VTCN1: variants seen among roughly 807,000 people sequenced by gnomAD.
VTCN1 encodes the protein V-set domain containing T cell activation inhibitor 1, also known as V-set domain-containing T-cell activation inhibitor 1.
VTCN1 carries 26 observed loss-of-function variants against 26.5 expected under a neutral mutation model. That is an observed-to-expected ratio of 0.98 (90% CI 0.72 to 1.36). The LOEUF (loss-of-function observed/expected upper bound fraction) is 1.36, where lower values mean the gene tolerates loss of function less well. Ranked by LOEUF, VTCN1 falls within the 40% of genes most tolerant of loss-of-function variation. The probability of loss-of-function intolerance (pLI) is 0.00; values close to 1 mark genes in which losing one functional copy is unlikely to be tolerated. For missense variants in VTCN1, 298 were observed against 337.7 expected, an observed-to-expected ratio of 0.88 and a Z score of 0.92; for synonymous variants, 116 against 130.7, an observed-to-expected ratio of 0.89 and a Z score of 0.77.
At chr1:117,178,268 T>C (rs1483234790) in intron 1 of VTCN1, among the ~76,000 whole-genome samples, 1 of 149,006 alleles carries the variant, frequency 6.7e-6, no homozygotes, top group Admixed American at 6.7e-5. Flanking sequence ...TCTTTTTTTT[T>C]TTTTTTGAGA....
intron 1 of VTCN1, among the ~76,000 whole-genome samples, chr1:117,204,670 T>G (rs1412637887): frequency 6.6e-6 from 1 of 151,944 alleles, no homozygotes; most frequent in Non-Finnish European, 1.5e-5. Flanking sequence ...ATGGAGACCA[T>G]CCTGGCTAAC....
chr1:117,157,869 G>T (rs981066764), intron 2 of VTCN1, among the ~76,000 whole-genome samples: 2 of 152,180 alleles, frequency 1.3e-5, no homozygotes, highest in African/African-American at 2.4e-5. Flanking sequence ...GGGGGTACAG[G>T]TATTGGGTAA....
At chr1:117,182,733 C>T (rs960076311) in intron 1 of VTCN1, among the ~76,000 whole-genome samples, 4 of 152,160 alleles carry the variant, frequency 2.6e-5, no homozygotes, top group Non-Finnish European at 5.9e-5. Context: ...GGGCCTGCCT[C>T]GTGATTTCAG....
rs1431474835 is a variant in VTCN1, at chr1:117,159,024, A to C, written c.98-2103T>G. On this transcript the variant is annotated intron_variant, in intron 2 of 5. Transcript: ENST00000369458. The surrounding 1 kb of genome is among the most constrained non-coding windows in gnomAD (Gnocchi z 4.7). ...GGACCTTATTGTCCATATCACTATA[A>C]GGCTTTTGGTCAAAGCCATTCAACA... Among the ~76,000 whole-genome samples the C allele has an allele frequency of 1.3e-5, 2 of 152,164 alleles. No individual in the cohort carries two copies. The highest frequency in any genetic ancestry group is 2.1e-4 in the South Asian group (1 of 4,828).
chr1:117,173,500 T>C (rs961323440), intron 1 of VTCN1, among the ~76,000 whole-genome samples: 11 of 152,332 alleles, frequency 7.2e-5, no homozygotes, highest in African/African-American at 2.4e-4. Flanking sequence ...TTCACTGCTC[T>C]CACAGGTAAC....
At chr1:117,174,113 T>TCTTA (rs1370114629) in intron 1 of VTCN1, among the ~76,000 whole-genome samples, 3 of 152,242 alleles carry the variant, frequency 2.0e-5, no homozygotes, top group Non-Finnish European at 4.4e-5. Context: ...CTTCAGGGGT[T>TCTTA]CTTACATTGC....
intron 1 of VTCN1, among the ~76,000 whole-genome samples, chr1:117,207,234 G>T (rs1029342229): frequency 3.3e-5 from 5 of 152,170 alleles, no homozygotes; most frequent in Non-Finnish European, 7.3e-5. Flanking sequence ...ATGGTAGAAA[G>T]ATCCCTGCTC....
rs755885820 is a variant in VTCN1, at chr1:117,210,773, C to T, written c.32+51G>A. ...GCAGTGCTCAGCATCCCCAAAAGAC[C>T]TCACTGCTGTTCCCTTCACCCATAA... On this transcript the variant is annotated intron_variant, in intron 1 of 5. Transcript: ENST00000369458. The T allele has an allele frequency of 3.1e-6, 5 of 1,598,140 alleles. No homozygotes were observed. In the East Asian group the frequency reaches 1.1e-4, roughly 36 times the overall value.
At chr1:117,151,308 G>A (rs759117860) in intron 4 of VTCN1, among the ~76,000 whole-genome samples, 1 of 151,770 alleles carries the variant, frequency 6.6e-6, no homozygotes, top group Admixed American at 6.6e-5. Flanking sequence ...GTTCCTCCCA[G>A]TGGGTTTGTG....
At chr1:117,202,473 A>T (rs1020574621) in intron 1 of VTCN1, among the ~76,000 whole-genome samples, 13 of 152,204 alleles carry the variant, frequency 8.5e-5, no homozygotes, top group Non-Finnish European at 1.6e-4. Flanking sequence ...TGAAGACAAG[A>T]TAAGAACAGA....
chr1:117,148,961 C>CA (rs1210197758), intron 4 of VTCN1, among the ~76,000 whole-genome samples: 15 of 151,990 alleles, frequency 9.9e-5, no homozygotes, highest in Non-Finnish European at 1.5e-5. Flanking sequence ...TGAGAGTTAG[C>CA]AAAAACAAAA....
intron 1 of VTCN1, among the ~76,000 whole-genome samples, chr1:117,208,169 C>T (rs1185705699): frequency 1.3e-5 from 2 of 152,208 alleles, no homozygotes; most frequent in East Asian, 3.9e-4. Context: ...GCCTCATCTC[C>T]CAGCATTTCC....
At chr1:117,165,869 C>T (rs894359428) in intron 2 of VTCN1, among the ~76,000 whole-genome samples, 1 of 152,162 alleles carries the variant, frequency 6.6e-6, no homozygotes, top group African/African-American at 2.4e-5. Flanking sequence ...TTATTGAATT[C>T]ATTTAAAATG....
chr1:117,172,801 TCAGCACTCTGTAAAAATGC>T (rs1375597538), intron 1 of VTCN1, among the ~76,000 whole-genome samples: 7 of 32,588 alleles, frequency 2.1e-4, no homozygotes, highest in Non-Finnish European at 5.7e-4. Context: ...AATGCACCAA[TCAGCACTCTGTAAAAATGC>T]ACCAATCAGC....
At chr1:117,200,041 T>C (rs1025870520) in intron 1 of VTCN1, among the ~76,000 whole-genome samples, 2 of 152,176 alleles carry the variant, frequency 1.3e-5, no homozygotes, top group Non-Finnish European at 2.9e-5. Context: ...TTAATAACTA[T>C]GTAAAAAACT....
At chr1:117,172,837 T>C (rs1652995087) in intron 1 of VTCN1, among the ~76,000 whole-genome samples, 1 of 140,212 alleles carries the variant, frequency 7.1e-6, no homozygotes, top group African/African-American at 2.5e-5. Flanking sequence ...CAGCACTCTG[T>C]ATTTAGCTAA....
rs1647793004 is a variant in VTCN1, at chr1:117,183,884, AAC to A, written c.33-13715_33-13714del. 6.6e-6 allele frequency among the ~76,000 whole-genome samples: 1 copy of A among 152,190 alleles called. No individual in the cohort carries two copies. The highest frequency in any genetic ancestry group is 1.5e-5 in the Non-Finnish European group (1 of 68,030). ...GGAGATTTGCAGAGGCTAAAAATGAAACCAGCACATGAGTCCAGATCAGTAAG... is the reference window on the plus strand; with the variant it reads ...GGAGATTTGCAGAGGCTAAAAATGAACAGCACATGAGTCCAGATCAGTAAG... On this transcript the variant is annotated intron_variant, in intron 1 of 5. Coordinates refer to ENST00000369458, the MANE Select transcript of VTCN1 (RefSeq NM_024626.4). This position sits in a 1 kb window ranked among gnomAD's most constrained non-coding sequence, Gnocchi z 4.1.
chr1:117,168,980 C>T (rs541627900), intron 2 of VTCN1, among the ~76,000 whole-genome samples: 93 of 152,306 alleles, frequency 6.1e-4, no homozygotes, highest in African/African-American at 2.2e-3. Flanking sequence ...GTTTTCTTAG[C>T]TTCGACTTTG....
intron 1 of VTCN1, among the ~76,000 whole-genome samples, chr1:117,197,201 A>G (rs1238662639): frequency 3.9e-5 from 6 of 152,222 alleles, no homozygotes; most frequent in African/African-American, 1.2e-4. Context: ...CTAAGCCCAT[A>G]AAAGTCAAGC....
Sources: allele counts gnomAD v4.1 joint callset (sites outside exome capture counted in the v4.1 genomes callset), GRCh38; gene constraint gnomAD v4.1.1; non-coding constraint Gnocchi (gnomAD v3.1); transcripts MANE v1.5; gene names NCBI Gene and HGNC (gene_info 2026-07-23, HGNC 2026-07-21).